The following ANKDD1A variants were observed in gnomAD, a reference collection of about 807,000 sequenced individuals.
The protein encoded by ANKDD1A is ankyrin repeat and death domain-containing protein 1A.
In ANKDD1A, 59 loss-of-function variants were observed where a neutral mutation model predicts 63.5. The observed-to-expected ratio is 0.93, with a 90% CI of 0.75 to 1.15. The LOEUF (loss-of-function observed/expected upper bound fraction) is 1.15, where lower values mean the gene tolerates loss of function less well. Among genes scored for constraint, ANKDD1A ranks in the 50% most tolerant of loss-of-function variants. The pLI is 0.00. For missense variants in ANKDD1A, 632 were observed against 656.4 expected (o/e 0.96, Z 0.41); for synonymous variants, 266 against 263.9 (o/e 1.01, Z -0.08).
chr15:64,917,264 G>A, intron 2 of ANKDD1A, 122 bp from the exon 3 acceptor site: 1 of 1,307,888 alleles, frequency 7.6e-7, no homozygotes, highest in Non-Finnish European at 1.0e-6. Flanking sequence ...AGCTAGCTGG[G>A]GACCAGAGCC....
intron 6 of ANKDD1A, among the ~76,000 whole-genome samples, chr15:64,929,474 A>G (rs1294200090): frequency 6.6e-6 from 1 of 152,048 alleles, no homozygotes; most frequent in Non-Finnish European, 1.5e-5. Flanking sequence ...CAGCAGGGAG[A>G]TCCCTTTAAA....
chr15:64,944,621 T>C (rs755982314), intron 11 of ANKDD1A, 31 bp from the exon 12 acceptor site: 82 of 1,604,914 alleles, frequency 5.1e-5, no homozygotes, highest in Non-Finnish European at 6.7e-5. Context: ...CTGTAGAAAC[T>C]CTGGCTTCTC....
intron 12 of ANKDD1A, 93 bp from the exon 13 acceptor site, chr15:64,947,311 G>A (rs2085231095): frequency 7.5e-7 from 1 of 1,325,540 alleles, no homozygotes; most frequent in Non-Finnish European, 1.0e-6. Context: ...CCCCAGCAGA[G>A]GTGGTAGGAG....
intron 11 of ANKDD1A, 121 bp downstream of exon 11, chr15:64,943,703 T>A: frequency 1.1e-6 from 1 of 924,738 alleles, no homozygotes. Flanking sequence ...TCATCCTTTC[T>A]ATACCAGCTC....
rs113959745 is a variant in ANKDD1A at position 64,918,183 on chromosome 15, C to T, written c.267+669C>T. ...TTTGGGACGAGCCTGGATGACACGG[C>T]GAAACTCCGTCTCTACCAAAAAATA... On this transcript the variant is annotated intron_variant, in intron 3 of 14. Coordinates refer to ENST00000319580, the MANE Select transcript of ANKDD1A (RefSeq NM_182703.6). 3.3e-5 allele frequency among the ~76,000 whole-genome samples: 5 copies of T among 152,080 alleles called. No individual in the cohort carries two copies. In the South Asian group the frequency reaches 6.2e-4, roughly 19 times the overall value.
rs759225486 is a variant in ANKDD1A at position 64,913,993 on chromosome 15, C to CTTTTCTT, written c.35-1800_35-1799insCTTTTTT. On this transcript the variant is annotated intron_variant, in intron 1 of 14. Transcript: ENST00000319580. ...GCAGAGATTTTTTTGTTTCTGTTTT[C>CTTTTCTT]TTTTTTTTTTTTTGAGATGGAGTCT... 5.3e-3 allele frequency: 770 copies of CTTTTCTT among 145,140 alleles called. 11 individuals carry two copies. Among genetic ancestry groups the CTTTTCTT allele is most frequent in the African/African-American group, 0.017 (658 of 38,554 alleles). 9.0% of individuals were successfully genotyped at this position (145,140 alleles called of 1,614,324 possible). A position where few individuals can be genotyped will look rare whatever the true frequency, so the allele number is the denominator to read the frequency against.
chr15:64,914,339 T>G (rs1595844911), intron 1 of ANKDD1A, among the ~76,000 whole-genome samples: 1 of 152,128 alleles, frequency 6.6e-6, no homozygotes, highest in Non-Finnish European at 1.5e-5. Context: ...CAGGCTGGAG[T>G]GCAGAGGTGC....
At chr15:64,948,981 GAGAT>G (rs2085247191) in intron 13 of ANKDD1A, among the ~76,000 whole-genome samples, 1 of 152,206 alleles carries the variant, frequency 6.6e-6, no homozygotes, top group Non-Finnish European at 1.5e-5. Context: ...GGCGGGGGCA[GAGAT>G]AGTTAATAAA....
chr15:64,954,146 GTTCC>G (rs1566918398), intron 14 of ANKDD1A, among the ~76,000 whole-genome samples: 3 of 84,860 alleles, frequency 3.5e-5, no homozygotes, highest in African/African-American at 6.8e-5. Flanking sequence ...CTTTCTTCTT[GTTCC>G]TTATTATTCT....
At chr15:64,933,909 T>A (rs938870644) in intron 8 of ANKDD1A, among the ~76,000 whole-genome samples, 7 of 152,180 alleles carry the variant, frequency 4.6e-5, no homozygotes, top group Admixed American at 6.5e-5. Context: ...TTGGTCTGAA[T>A]TCTTGAGTTT....
At chr15:64,935,193 A>G (rs546869272) in intron 9 of ANKDD1A, among the ~76,000 whole-genome samples, 116 of 141,396 alleles carry the variant, frequency 8.2e-4, no homozygotes, top group African/African-American at 2.7e-3. Flanking sequence ...ACACCACTGC[A>G]CTCCAGCCTG....
intron 4 of ANKDD1A, among the ~76,000 whole-genome samples, chr15:64,924,843 C>G (rs898353255): frequency 2.0e-5 from 3 of 152,168 alleles, no homozygotes; most frequent in Admixed American, 6.5e-5. Context: ...TGAAAATCAT[C>G]CGTCCAGGGC....
Position 64,943,585 on chromosome 15 carries a change from A to T in ANKDD1A, c.1065+3A>T, listed in dbSNP as rs150907197. 28 of 1,613,890 alleles carry T rather than the reference A, an allele frequency of 1.7e-5. No individual in the cohort carries two copies. The East Asian group carries it at 5.8e-4, about 33-fold the overall frequency. On this transcript the variant is annotated splice_donor_region_variant and intron_variant, in intron 11 of 14. Transcript: ENST00000319580. ...TTGACTTAAACCTGAGAGATAAGGTACCTCTGCTTACAACCCACCTCGCTT... is the reference window on the plus strand; with the variant it reads ...TTGACTTAAACCTGAGAGATAAGGTTCCTCTGCTTACAACCCACCTCGCTT...
intron 14 of ANKDD1A, among the ~76,000 whole-genome samples, chr15:64,952,021 TTC>T (rs796932011): frequency 4.0e-4 from 60 of 149,856 alleles, no homozygotes; most frequent in Middle Eastern, 3.5e-3. Flanking sequence ...ATCTTCTATC[TTC>T]TTTTTCTTCT....
At chr15:64,951,295 TCTTC>T (rs1402616952) in intron 14 of ANKDD1A, 1 of 823,790 alleles carries the variant, frequency 1.2e-6, no homozygotes, top group Non-Finnish European at 1.3e-6. Flanking sequence ...CTTTTCTTCT[TCTTC>T]TTCTTCTCTT....
chr15:64,913,962 A>G (rs184442309), intron 1 of ANKDD1A: 1 of 151,082 alleles, frequency 6.6e-6, no homozygotes, highest in Non-Finnish European at 1.5e-5. Context: ...GGTGTCACTC[A>G]TACAAGCAGA....
chr15:64,921,247 G>C (rs2085004769), intron 3 of ANKDD1A, among the ~76,000 whole-genome samples: 4 of 152,222 alleles, frequency 2.6e-5, no homozygotes, highest in Non-Finnish European at 5.9e-5. Context: ...TTACAGGTGT[G>C]AACCACCACA....
At chr15:64,950,703 A>G (rs1420100069) in intron 14 of ANKDD1A, 2 of 963,222 alleles carry the variant, frequency 2.1e-6, no homozygotes, top group African/African-American at 3.8e-5. Flanking sequence ...TGTTTCTAGC[A>G]TATTATTGAG....
At chr15:64,951,045 G>A in intron 14 of ANKDD1A, 1 of 1,243,106 alleles carries the variant, frequency 8.0e-7, no homozygotes, top group Non-Finnish European at 1.0e-6. Flanking sequence ...AGGCACGTGG[G>A]ACCTCAGCGT....
Sources: allele counts gnomAD v4.1 joint callset (sites outside exome capture counted in the v4.1 genomes callset), GRCh38; gene constraint gnomAD v4.1.1; transcripts MANE v1.5; gene names NCBI Gene and HGNC (gene_info 2026-07-23, HGNC 2026-07-21).